The following XIAP variants were observed in gnomAD, a reference collection of about 807,000 sequenced individuals.
The protein encoded by XIAP is X-linked inhibitor of apoptosis.
A neutral mutation model predicts 33.1 loss-of-function variants in XIAP; 3 were observed. The ratio of observed to expected loss-of-function variants is 0.09; its 90% CI spans 0.04 to 0.23. The LOEUF is 0.23. XIAP is among the 10% of genes least tolerant of loss of function. The probability of loss-of-function intolerance (pLI) is 1.00; values close to 1 mark genes in which losing one functional copy is unlikely to be tolerated. For missense variants in XIAP, 264 were observed against 363.0 expected, an observed-to-expected ratio of 0.73 and a Z score of 2.22; for synonymous variants, 98 against 121.3, an observed-to-expected ratio of 0.81 and a Z score of 1.26.
chrX:123,863,774 A>C (rs747060815), intron 1 of XIAP, among the ~76,000 whole-genome samples: 9 of 111,504 alleles, frequency 8.1e-5, no homozygotes, highest in African/African-American at 2.9e-4. Context: ...CAGGTGAAAA[A>C]GTGAGTCACT....
In XIAP at chrX:123,908,535, T is replaced by C. The variant is rs1374842087; in HGVS notation, c.*1354T>C. ...ACAGCTTTCCATGTTGAGATTCTCA[T>C]ATCATCTTGTATCTTAAAGTTTCAT... On this transcript the variant is annotated 3_prime_UTR_variant, in exon 7 of 7. Coordinates refer to ENST00000371199, the MANE Select transcript of XIAP (RefSeq NM_001167.4). 2.8e-6 allele frequency: 1 copy of C among 361,519 alleles called. No homozygotes were observed. The highest frequency in any genetic ancestry group is 5.2e-6 in the Non-Finnish European group (1 of 191,172). The allele number at this position is 361,519 out of a possible 1,213,427, so 29.8% of individuals were successfully genotyped here. A position where few individuals can be genotyped will look rare whatever the true frequency, so the allele number is the denominator to read the frequency against.
chrX:123,904,552 C>G (rs1397331934), intron 6 of XIAP, among the ~76,000 whole-genome samples: 1 of 111,824 alleles, frequency 8.9e-6, no homozygotes, highest in Admixed American at 9.6e-5. Context: ...TCTCCCGCAC[C>G]CACAGCAGAG....
At chrX:123,868,733 A>G (rs2053166422) in intron 1 of XIAP, among the ~76,000 whole-genome samples, 1 of 111,622 alleles carries the variant, frequency 9.0e-6, no homozygotes, top group Non-Finnish European at 1.9e-5. Flanking sequence ...CCCTATCTCA[A>G]AAAACAAAAA....
chrX:123,892,444 A>G (rs2053416626), intron 4 of XIAP, among the ~76,000 whole-genome samples: 1 of 111,394 alleles, frequency 9.0e-6, no homozygotes, highest in African/African-American at 3.3e-5. Context: ...ATAGGTGGAA[A>G]GAACCCTGGA....
chrX:123,870,162 A>G (rs547176125), intron 1 of XIAP, among the ~76,000 whole-genome samples: 30 of 112,576 alleles, frequency 2.7e-4, no homozygotes, highest in African/African-American at 9.0e-4. Flanking sequence ...GGGTTTTGCC[A>G]TTTTGGCGAG....
Position 123,911,515 on chromosome X carries a change from G to A in XIAP, c.*4334G>A. Reference sequence around the variant, plus strand: ...AGATATAAATCACAATAAATAAATAGGTCAATACAAATGTTAGCCAGGCGT... The same window carrying A: ...AGATATAAATCACAATAAATAAATAAGTCAATACAAATGTTAGCCAGGCGT... On this transcript the variant is annotated 3_prime_UTR_variant, in exon 7 of 7. Coordinates refer to ENST00000371199, the MANE Select transcript of XIAP (RefSeq NM_001167.4). 3.2e-6 allele frequency: 1 copy of A among 315,845 alleles called. No homozygotes were observed. Among genetic ancestry groups the A allele is most frequent in the South Asian group, 2.8e-5 (1 of 35,217 alleles). 26.0% of individuals were successfully genotyped at this position (315,845 alleles called of 1,213,427 possible). A position where few individuals can be genotyped will look rare whatever the true frequency, so the allele number is the denominator to read the frequency against.
In XIAP at chrX:123,910,767, C is replaced by T; in HGVS notation, c.*3586C>T. ...CCTGTAGTCCCAGCTACTCGGGAGG[C>T]TGAGGCAGGAGAATGGTGTGAACCC... On this transcript the variant is annotated 3_prime_UTR_variant, in exon 7 of 7. Transcript: ENST00000371199. 1 of 277,197 alleles carries T rather than the reference C, an allele frequency of 3.6e-6. No homozygotes were observed. Among genetic ancestry groups the T allele is most frequent in the Non-Finnish European group, 6.7e-6 (1 of 148,249 alleles). The allele number at this position is 277,197 out of a possible 1,213,427, so 22.8% of individuals were successfully genotyped here.
At chrX:123,872,292 CAG>C (rs1169294012) in intron 1 of XIAP, among the ~76,000 whole-genome samples, 12 of 109,182 alleles carry the variant, frequency 1.1e-4, no homozygotes, top group South Asian at 7.7e-4. Context: ...AGATATCACT[CAG>C]AAAAATTTTT....
intron 1 of XIAP, among the ~76,000 whole-genome samples, chrX:123,881,466 A>T (rs2053303392): frequency 9.0e-6 from 1 of 110,906 alleles, no homozygotes; most frequent in African/African-American, 3.3e-5. Context: ...TTCACTCTTA[A>T]ACTCTGGTAA....
rs2053624346 is a variant in XIAP at position 123,913,374 on chromosome X, G to A, written c.*6193G>A. 3.1e-6 allele frequency: 1 copy of A among 325,732 alleles called. No individual in the cohort carries two copies. Among genetic ancestry groups the A allele is most frequent in the Admixed American group, 3.1e-5 (1 of 31,756 alleles). 26.8% of individuals were successfully genotyped at this position (325,732 alleles called of 1,213,427 possible). A position where few individuals can be genotyped will look rare whatever the true frequency, so the allele number is the denominator to read the frequency against. On this transcript the variant is annotated 3_prime_UTR_variant, in exon 7 of 7. Coordinates refer to ENST00000371199, the MANE Select transcript of XIAP (RefSeq NM_001167.4). ...AGTCCCAGCTACTAGAGCGACTGAG[G>A]CAGGAGAATTGCTTGAACCTGGGAG...
chrX:123,881,169 G>A (rs1203141239), intron 1 of XIAP, among the ~76,000 whole-genome samples: 2 of 110,779 alleles, frequency 1.8e-5, no homozygotes, highest in Admixed American at 9.8e-5. Context: ...CCAGTACAAA[G>A]CCTGAAGATG....
At chrX:123,881,305 T>C (rs1602540268) in intron 1 of XIAP, among the ~76,000 whole-genome samples, 1 of 111,435 alleles carries the variant, frequency 9.0e-6, no homozygotes, top group East Asian at 2.8e-4. Flanking sequence ...TCTCAATTCA[T>C]CTGCTCCATA....
intron 1 of XIAP, among the ~76,000 whole-genome samples, chrX:123,862,120 C>T (rs943524125): frequency 2.7e-5 from 3 of 109,943 alleles, no homozygotes; most frequent in African/African-American, 9.9e-5. Context: ...CTCTGTCATC[C>T]AGGCTGGAGT....
chrX:123,860,905 T>C (rs774839444), intron 1 of XIAP, among the ~76,000 whole-genome samples: 24 of 112,058 alleles, frequency 2.1e-4, no homozygotes, highest in African/African-American at 7.5e-4. Flanking sequence ...CAACCTTTGT[T>C]AAAAAACTCC....
Position 123,910,451 on chromosome X carries a change from A to G in XIAP, c.*3270A>G, listed in dbSNP as rs2053589192. ...ACCGCCCCAGCATTAGTTTCACATG[A>G]TATACCCTTTAAACCCGAATCATTG... On this transcript the variant is annotated 3_prime_UTR_variant, in exon 7 of 7. Transcript: ENST00000371199. The G allele has an allele frequency of 6.1e-6, 2 of 329,875 alleles. No homozygotes were observed. Among genetic ancestry groups the G allele is most frequent in the Non-Finnish European group, 1.2e-5 (2 of 170,054 alleles). 27.2% of individuals were successfully genotyped at this position (329,875 alleles called of 1,213,427 possible).
intron 6 of XIAP, among the ~76,000 whole-genome samples, chrX:123,900,940 T>A (rs1239173038): frequency 8.9e-6 from 1 of 111,922 alleles, no homozygotes. Flanking sequence ...TGGTTATTGA[T>A]GAGGGCCCTC....
At chrX:123,889,380 T>C (rs890857041) in intron 3 of XIAP, among the ~76,000 whole-genome samples, 4 of 107,690 alleles carry the variant, frequency 3.7e-5, no homozygotes. Flanking sequence ...AATTTTTGTA[T>C]TTTTTAGTAG....
At position 123,888,678 on chromosome X, in the gene XIAP, A is replaced by C; in HGVS notation, c.937A>C (p.Ser313Arg). 1 of 1,212,037 alleles carries C rather than the reference A, an allele frequency of 8.3e-7. No individual in the cohort carries two copies. Among genetic ancestry groups the C allele is most frequent in the Non-Finnish European group, 1.1e-6 (1 of 895,454 alleles). ...AGGAGGGCTAACTGATTGGAAGCCC[A>C]GTGAAGACCCTTGGGAACAACATGC... is the stretch of plus-strand genomic sequence containing the variant. ...CGGGLTDWKPSEDPWEQHAKW... is the reference protein window; with the variant it reads ...CGGGLTDWKPREDPWEQHAKW... Residue 313 changes from serine (S) to arginine (R), a missense_variant, in exon 3 of 7, where the codon AGT (serine) becomes CGT (arginine). Transcript: ENST00000371199.
rs2053419569 is a variant in XIAP at position 123,892,776 on chromosome X, A to G, written c.1099+3A>G. 5.1e-6 allele frequency: 6 copies of G among 1,184,402 alleles called. No homozygotes were observed. The highest frequency in any genetic ancestry group is 6.9e-6 in the Non-Finnish European group (6 of 873,282). On this transcript the variant is annotated splice_donor_region_variant and intron_variant, in intron 5 of 6. Coordinates refer to ENST00000371199, the MANE Select transcript of XIAP (RefSeq NM_001167.4). ...ACCATCACTAACTAGAAGAATTGGT[A>G]AATATGCTTGTTAACTATCCTTTTA...
Sources: allele counts gnomAD v4.1 joint callset (sites outside exome capture counted in the v4.1 genomes callset), GRCh38; gene constraint gnomAD v4.1.1; transcripts MANE v1.5; gene names NCBI Gene and HGNC (gene_info 2026-07-23, HGNC 2026-07-21).